The following RFX3 variants were observed in gnomAD, a reference collection of about 807,000 sequenced individuals.
The protein encoded by RFX3 is regulatory factor X3, also known as transcription factor RFX3.
A neutral mutation model predicts 98.6 loss-of-function variants in RFX3; 14 were observed. The observed-to-expected ratio is 0.14, with a 90% CI of 0.09 to 0.22. The LOEUF is 0.22. RFX3 is among the 10% of genes least tolerant of loss of function. The probability of loss-of-function intolerance (pLI) is 1.00; values close to 1 mark genes in which losing one functional copy is unlikely to be tolerated. For synonymous variants in RFX3, 383 were observed against 328.4 expected (o/e 1.17, Z -1.80); for missense variants, 639 against 926.9 (o/e 0.69, Z 4.03).
intron 1 of RFX3, among the ~76,000 whole-genome samples, chr9:3,424,734 G>A (rs1438760281): frequency 6.6e-6 from 1 of 152,020 alleles, no homozygotes; most frequent in Non-Finnish European, 1.5e-5. Flanking sequence ...GCAAATACAA[G>A]CTATTTTCAT....
At chr9:3,338,941 T>C (rs1398603008) in intron 3 of RFX3, among the ~76,000 whole-genome samples, 1 of 151,776 alleles carries the variant, frequency 6.6e-6, no homozygotes, top group African/African-American at 2.4e-5. Context: ...ATACAAAAAT[T>C]AGCCGGGCGT....
intron 1 of RFX3, among the ~76,000 whole-genome samples, chr9:3,465,884 G>GA (rs1848168186): frequency 6.6e-6 from 1 of 151,702 alleles, no homozygotes; most frequent in African/African-American, 2.4e-5. Context: ...ATCAGGATTT[G>GA]AAAAAAAAGT....
chr9:3,307,834 T>C (rs978105146), intron 4 of RFX3, among the ~76,000 whole-genome samples: 5 of 152,216 alleles, frequency 3.3e-5, no homozygotes, highest in East Asian at 1.9e-4. Context: ...GTTAGACTAA[T>C]GCAAAGCCTC....
At position 3,223,915 on chromosome 9, in the gene RFX3, G is replaced by A. The variant is rs1817506683; in HGVS notation, c.*1127C>T. 6.6e-6 allele frequency: 1 copy of A among 152,202 alleles called. No homozygotes were observed. Among genetic ancestry groups the A allele is most frequent in the Admixed American group, 6.6e-5 (1 of 15,264 alleles). The allele number at this position is 152,202 out of a possible 1,614,324, so 9.4% of individuals were successfully genotyped here. On this transcript the variant is annotated 3_prime_UTR_variant, in exon 17 of 17. Coordinates refer to ENST00000617270, the MANE Select transcript of RFX3 (RefSeq NM_001282116.2). ...CCAAATCCTACAGAATTGGGGATAA[G>A]TAACAGTGAGGTGTGCCAGTTACAC...
At chr9:3,302,341 C>G (rs1415846223) in intron 4 of RFX3, among the ~76,000 whole-genome samples, 1 of 151,732 alleles carries the variant, frequency 6.6e-6, no homozygotes, top group Non-Finnish European at 1.5e-5. Flanking sequence ...TCTGTGAAAT[C>G]TCAGCATACC....
chr9:3,322,138 C>A (rs2920358), intron 4 of RFX3, among the ~76,000 whole-genome samples: 2,425 of 152,062 alleles, frequency 0.016, 61 homozygotes, highest in African/African-American at 0.055. Flanking sequence ...CATGAACAGC[C>A]TTTCTTGTCA....
intron 1 of RFX3, among the ~76,000 whole-genome samples, chr9:3,457,237 CCT>C (rs1346713679): frequency 6.7e-6 from 1 of 148,916 alleles, no homozygotes; most frequent in Non-Finnish European, 1.5e-5. Context: ...TCTACCTTTT[CCT>C]CTCTTTTTTG....
At chr9:3,516,361 T>A (rs1164456714) in intron 1 of RFX3, among the ~76,000 whole-genome samples, 1 of 152,220 alleles carries the variant, frequency 6.6e-6, no homozygotes, top group East Asian at 1.9e-4. Context: ...ACTAAAAATT[T>A]TTTAAAATTT....
At chr9:3,366,701 T>TCTTTCTTTCTTTC (rs1563993742) in intron 2 of RFX3, among the ~76,000 whole-genome samples, 2 of 99,836 alleles carry the variant, frequency 2.0e-5, no homozygotes, top group Admixed American at 2.0e-4. Flanking sequence ...TTCCTTTCTT[T>TCTTTCTTTCTTTC]CTTTCTTTCT....
chr9:3,381,971 C>T (rs1403439796), intron 2 of RFX3, among the ~76,000 whole-genome samples: 3 of 152,062 alleles, frequency 2.0e-5, no homozygotes, highest in Non-Finnish European at 2.9e-5. Context: ...GAGCTCGTTC[C>T]ACTTTTCTCC....
At chr9:3,410,212 G>A (rs143126845) in intron 1 of RFX3, among the ~76,000 whole-genome samples, 1,479 of 35,616 alleles carry the variant, frequency 0.042, 35 homozygotes, top group African/African-American at 0.11. Context: ...TGTGTGTGGC[G>A]CTATCAACTA....
At chr9:3,405,452 C>T (rs1333329167) in intron 1 of RFX3, among the ~76,000 whole-genome samples, 1 of 152,150 alleles carries the variant, frequency 6.6e-6, no homozygotes, top group Non-Finnish European at 1.5e-5. Flanking sequence ...ACAAGTCCAC[C>T]TGTTCACATG....
chr9:3,407,196 G>A (rs966747520), intron 1 of RFX3, among the ~76,000 whole-genome samples: 1 of 152,058 alleles, frequency 6.6e-6, no homozygotes, highest in Non-Finnish European at 1.5e-5. Context: ...ATTTATTTGA[G>A]CTTGGTAACA....
chr9:3,455,450 T>C (rs1324785753), intron 1 of RFX3, among the ~76,000 whole-genome samples: 1 of 152,222 alleles, frequency 6.6e-6, no homozygotes, highest in African/African-American at 2.4e-5. Flanking sequence ...TTCTACTTCA[T>C]TGAAGTTATC....
intron 1 of RFX3, among the ~76,000 whole-genome samples, chr9:3,472,231 G>T (rs1321622381): frequency 6.6e-6 from 1 of 152,104 alleles, no homozygotes; most frequent in Non-Finnish European, 1.5e-5. Context: ...TAAAGCACCG[G>T]ATATTAAGGT....
intron 15 of RFX3, among the ~76,000 whole-genome samples, chr9:3,233,937 C>T (rs1818807370): frequency 1.3e-5 from 2 of 152,142 alleles, no homozygotes; most frequent in African/African-American, 4.8e-5. Flanking sequence ...CAGAATCAGT[C>T]CGACTCTACT....
chr9:3,328,904 T>A (rs144920658), intron 4 of RFX3, among the ~76,000 whole-genome samples: 1 of 152,154 alleles, frequency 6.6e-6, no homozygotes, highest in African/African-American at 2.4e-5. Context: ...ATGGGATACA[T>A]CTCCTTAATT....
chr9:3,286,198 C>T (rs10429463), intron 7 of RFX3, among the ~76,000 whole-genome samples: 16,134 of 151,790 alleles, frequency 0.11, 876 homozygotes, highest in Middle Eastern at 0.2. Flanking sequence ...GCAGAAATCA[C>T]ACCAAAAAGT....
chr9:3,343,204 T>C (rs1321528841), intron 3 of RFX3, among the ~76,000 whole-genome samples: 1 of 152,138 alleles, frequency 6.6e-6, no homozygotes, highest in Non-Finnish European at 1.5e-5. Context: ...CTACATGACA[T>C]GGGGACGCTG....
Sources: gnomAD v4.1 joint callset for allele counts (sites outside exome capture counted in the v4.1 genomes callset) on GRCh38, gnomAD v4.1.1 for gene constraint, MANE v1.5 for transcripts, NCBI Gene and HGNC (gene_info 2026-07-23, HGNC 2026-07-21) for gene names.